Variants in YAF2 observed in about 807,000 individuals in gnomAD.
YAF2 encodes the protein YY1-associated factor 2.
A neutral mutation model predicts 20.1 loss-of-function variants in YAF2; 7 were observed. The observed-to-expected ratio is 0.35, with a 90% CI of 0.20 to 0.65. The LOEUF is 0.65. YAF2 is among the 30% of genes least tolerant of loss of function. The pLI is 0.69. For synonymous variants in YAF2, 74 were observed against 76.0 expected (o/e 0.97, Z 0.14); for missense variants, 151 against 219.2 (o/e 0.69, Z 1.96).
intron 2 of YAF2, among the ~76,000 whole-genome samples, chr12:42,211,190 G>C (rs1285772658): frequency 3.3e-5 from 5 of 152,028 alleles, no homozygotes; most frequent in Non-Finnish European, 7.4e-5. Flanking sequence ...ACTTTGGGAG[G>C]CTGAGGCAAG....
intron 2 of YAF2, among the ~76,000 whole-genome samples, chr12:42,236,454 T>C (rs990977748): frequency 1.3e-5 from 2 of 152,248 alleles, no homozygotes; most frequent in African/African-American, 4.8e-5. Context: ...AAGCATATGA[T>C]GATTTACAAA....
intron 2 of YAF2, among the ~76,000 whole-genome samples, chr12:42,201,525 G>T (rs888544612): frequency 2.6e-5 from 4 of 152,112 alleles, no homozygotes; most frequent in Non-Finnish European, 5.9e-5. Context: ...TAAAGACATT[G>T]TGTGTGTCTC....
At chr12:42,217,651 A>G (rs1592027597) in intron 2 of YAF2, among the ~76,000 whole-genome samples, 1 of 152,170 alleles carries the variant, frequency 6.6e-6, no homozygotes, top group East Asian at 1.9e-4. Context: ...CTTATATTTA[A>G]TTACCACCAA....
At chr12:42,237,463 C>G (rs2068206245) in intron 2 of YAF2, 136 bp downstream of exon 2, 1 of 1,354,806 alleles carries the variant, frequency 7.4e-7, no homozygotes, top group African/African-American at 1.5e-5. Flanking sequence ...TGACCCAGTT[C>G]CTATCGCCAC....
intron 2 of YAF2, among the ~76,000 whole-genome samples, chr12:42,190,488 TTAAC>T (rs958520759): frequency 1.3e-5 from 2 of 152,238 alleles, no homozygotes; most frequent in Non-Finnish European, 2.9e-5. Context: ...TCTGTTTTAC[TTAAC>T]TATTTTTTCT....
At chr12:42,164,320 C>T (rs948119490) in intron 2 of YAF2, among the ~76,000 whole-genome samples, 2 of 152,144 alleles carry the variant, frequency 1.3e-5, no homozygotes, top group South Asian at 2.1e-4. Context: ...CATTTTATTA[C>T]GCATTAGGAC....
Position 42,202,241 on chromosome 12 carries a change from T to G in YAF2, c.152+35358A>C, listed in dbSNP as rs578042152. ...AACTCTCTATTAGTTTGTCTTTTCC[T>G]GTACTAATACTATACTTCAAGTGCC... On this transcript the variant is annotated intron_variant, in intron 2 of 3. Coordinates refer to ENST00000534854, the MANE Select transcript of YAF2 (RefSeq NM_005748.6). 5.3e-4 allele frequency among the ~76,000 whole-genome samples: 80 copies of G among 152,334 alleles called. 1 individual carries two copies. The highest frequency in any genetic ancestry group is 3.9e-3 in the Admixed American group (59 of 15,308).
intron 2 of YAF2, among the ~76,000 whole-genome samples, chr12:42,212,280 T>C (rs552149462): frequency 1.3e-5 from 2 of 152,312 alleles, no homozygotes; most frequent in African/African-American, 4.8e-5. Flanking sequence ...CATATGAAGA[T>C]ATTACATTAC....
chr12:42,234,252 A>G, intron 2 of YAF2: 2 of 985,548 alleles, frequency 2.0e-6, no homozygotes, highest in Non-Finnish European at 2.4e-6. Context: ...CTTCAGATAT[A>G]AAGACTGTGC....
chr12:42,234,666 T>C, intron 2 of YAF2: 4 of 984,656 alleles, frequency 4.1e-6, no homozygotes, highest in Non-Finnish European at 4.8e-6. Context: ...CTTAATATTA[T>C]TTAAAGAAAA....
intron 2 of YAF2, chr12:42,212,405 A>AT (rs1418666511): frequency 2.3e-6 from 1 of 433,776 alleles, no homozygotes; most frequent in African/African-American, 2.0e-5. Context: ...ATACAGATAT[A>AT]TTTTAATACC....
At chr12:42,191,774 G>A (rs1261176368) in intron 2 of YAF2, among the ~76,000 whole-genome samples, 1 of 152,126 alleles carries the variant, frequency 6.6e-6, no homozygotes, top group Non-Finnish European at 1.5e-5. Context: ...GTTTTAACAG[G>A]AGTGGGGGTG....
intron 2 of YAF2, among the ~76,000 whole-genome samples, chr12:42,175,043 G>A (rs2066144840): frequency 1.3e-5 from 2 of 152,080 alleles, no homozygotes; most frequent in South Asian, 2.1e-4. Flanking sequence ...CTCAAAGAAG[G>A]AAATATATGT....
chr12:42,164,369 G>C (rs756670738), intron 2 of YAF2, among the ~76,000 whole-genome samples: 9 of 152,170 alleles, frequency 5.9e-5, no homozygotes, highest in Non-Finnish European at 1.0e-4. Context: ...TGTGTGAGCA[G>C]GAGGTCAATA....
chr12:42,208,170 G>C (rs1328604298), intron 2 of YAF2, among the ~76,000 whole-genome samples: 1 of 152,184 alleles, frequency 6.6e-6, no homozygotes, highest in African/African-American at 2.4e-5. Flanking sequence ...GCTCATGCCT[G>C]TAATCCTAAC....
At chr12:42,166,694 A>G (rs1309520970) in intron 2 of YAF2, among the ~76,000 whole-genome samples, 9 of 152,076 alleles carry the variant, frequency 5.9e-5, no homozygotes, top group Non-Finnish European at 1.3e-4. Context: ...CATCACTACA[A>G]TTTTGGATGC....
chr12:42,216,678 T>C (rs2067367419), intron 2 of YAF2, among the ~76,000 whole-genome samples: 2 of 152,150 alleles, frequency 1.3e-5, no homozygotes, highest in African/African-American at 4.8e-5. Context: ...GACTATCAAA[T>C]ATGTATTTAC....
intron 2 of YAF2, among the ~76,000 whole-genome samples, chr12:42,178,202 T>C (rs1231317060): frequency 6.6e-5 from 10 of 152,188 alleles, no homozygotes; most frequent in Admixed American, 6.5e-4. Context: ...TTTCCAGGGA[T>C]CTGTGATCCT....
intron 2 of YAF2, among the ~76,000 whole-genome samples, chr12:42,204,533 G>A (rs561069677): frequency 6.6e-6 from 1 of 152,278 alleles, no homozygotes; most frequent in African/African-American, 2.4e-5. Context: ...AATATGCATA[G>A]GTTATATGCA....
Sources: gnomAD v4.1 joint callset for allele counts (sites outside exome capture counted in the v4.1 genomes callset) on GRCh38, gnomAD v4.1.1 for gene constraint, MANE v1.5 for transcripts, NCBI Gene and HGNC (gene_info 2026-07-23, HGNC 2026-07-21) for gene names.